Variants in LAMA4 observed in about 807,000 individuals in gnomAD.
The protein encoded by LAMA4 is laminin subunit alpha-4.
In LAMA4, 127 loss-of-function variants were observed where a neutral mutation model predicts 207.1. That is an observed-to-expected ratio of 0.61 (90% confidence interval 0.53 to 0.71). The LOEUF (loss-of-function observed/expected upper bound fraction) is 0.71. Ranked by LOEUF, LAMA4 falls within the 30% of genes least tolerant of loss-of-function variation. The pLI is 0.00. For missense variants in LAMA4, 2,093 were observed against 2,246.5 expected (o/e 0.93, Z 1.38); for synonymous variants, 761 against 816.0 (o/e 0.93, Z 1.15).
chr6:112,119,673 T>C (rs1778233230), intron 33 of LAMA4, among the ~76,000 whole-genome samples: 1 of 152,222 alleles, frequency 6.6e-6, no homozygotes, highest in African/African-American at 2.4e-5. Context: ...ATCTATGTAT[T>C]TTCTGACCTC....
At chr6:112,221,529 A>G (rs1259567483) in intron 2 of LAMA4, among the ~76,000 whole-genome samples, 1 of 152,228 alleles carries the variant, frequency 6.6e-6, no homozygotes, top group Non-Finnish European at 1.5e-5. Context: ...CTTCAAATTT[A>G]ACAGCCCACA....
At position 112,178,201 on chromosome 6, in the gene LAMA4, A is replaced by G. The variant is rs1782135081; in HGVS notation, c.1109T>C (p.Val370Ala). The G allele has an allele frequency of 1.2e-6, 2 of 1,613,904 alleles. No individual in the cohort carries two copies. Among genetic ancestry groups the G allele is most frequent in the East Asian group, 4.5e-5 (2 of 44,866 alleles). ...AATGGTGTCCATGCTTTCCTTCTGA[A>G]CAAGTTGTCCTTTTCTGGAGGCTTG... The part of the protein sequence containing the change: ...ENQASRKGQL[V>A]QKESMDTINH... Residue 370 changes from valine (V) to alanine (A), a missense_variant, in exon 10 of 39, where the codon GTT becomes GCT. Val to Ala is a moderately conservative substitution (Grantham distance 64). Transcript: ENST00000230538.
intron 2 of LAMA4, among the ~76,000 whole-genome samples, chr6:112,241,135 A>ATATTTATATATAT (rs1195523269): frequency 3.9e-5 from 4 of 102,578 alleles, no homozygotes; most frequent in African/African-American, 6.8e-5. Context: ...ATGAATATAT[A>ATATTTATATATAT]GGAATATATA....
intron 16 of LAMA4, among the ~76,000 whole-genome samples, chr6:112,151,263 T>A (rs782703545): frequency 7.2e-5 from 11 of 152,172 alleles, no homozygotes; most frequent in Non-Finnish European, 1.2e-4. Context: ...GGATATGGTA[T>A]TATAATCTTT....
At chr6:112,217,650 A>G (rs1784705532) in intron 2 of LAMA4, 1 of 152,222 alleles carries the variant, frequency 6.6e-6, no homozygotes, top group African/African-American at 2.4e-5. Flanking sequence ...CACACTTTAA[A>G]ACTAAAATTT....
At position 112,140,908 on chromosome 6, in the gene LAMA4, C is replaced by T; in HGVS notation, c.2828G>A (p.Gly943Glu). 6.2e-7 allele frequency: 1 copy of T among 1,612,170 alleles called. No homozygotes were observed. The highest frequency in any genetic ancestry group is 8.5e-7 in the Non-Finnish European group (1 of 1,178,216). ...IVKIERVGKH[G>E]KVFLTVPSLS... is the part of the protein sequence containing the mutation. ...ACTCGGGACTGTTAAAAACACCTTTCCATGTTTTCCCACCCTATTGAGATA... is the reference window on the plus strand; with the variant it reads ...ACTCGGGACTGTTAAAAACACCTTTTCATGTTTTCCCACCCTATTGAGATA... The change falls in exon 22 of 39, where the codon GGA (glycine) becomes GAA (glutamate). Residue 943 changes from glycine to glutamate, a missense_variant. This residue lies in a region of LAMA4 where 1,704 missense variants were observed against 1,788.4 expected (regional missense o/e 0.95). Transcript: ENST00000230538.
intron 19 of LAMA4, among the ~76,000 whole-genome samples, chr6:112,143,304 T>TTG (rs1779818031): frequency 7.4e-6 from 1 of 135,082 alleles, no homozygotes. Context: ...TTTTTTTTTT[T>TTG]GAGACACAGT....
chr6:112,123,551 C>G (rs1554326685), intron 31 of LAMA4, among the ~76,000 whole-genome samples: 1 of 152,122 alleles, frequency 6.6e-6, no homozygotes, highest in African/African-American at 2.4e-5. Flanking sequence ...GGGCAAAAGA[C>G]AAAATCCCCC....
intron 24 of LAMA4, among the ~76,000 whole-genome samples, chr6:112,138,637 T>C (rs1013670883): frequency 3.9e-5 from 6 of 152,130 alleles, no homozygotes; most frequent in African/African-American, 1.2e-4. Flanking sequence ...ATTTGTCCTT[T>C]ATTACAAGCT....
chr6:112,149,830 A>C (rs1169963767), intron 17 of LAMA4, among the ~76,000 whole-genome samples: 2 of 152,186 alleles, frequency 1.3e-5, no homozygotes, highest in Non-Finnish European at 2.9e-5. Context: ...GCTTTGGTGC[A>C]CTGTAGCACT....
chr6:112,121,575 G>A (rs1370530554), intron 32 of LAMA4, among the ~76,000 whole-genome samples: 1 of 152,186 alleles, frequency 6.6e-6, no homozygotes, highest in Non-Finnish European at 1.5e-5. Flanking sequence ...GATGGGGTTG[G>A]AGATAGCTGG....
At chr6:112,239,127 C>G (rs1786169061) in intron 2 of LAMA4, among the ~76,000 whole-genome samples, 1 of 151,952 alleles carries the variant, frequency 6.6e-6, no homozygotes, top group South Asian at 2.1e-4. Flanking sequence ...ACAAGACCAG[C>G]CTGGCCAACA....
chr6:112,222,676 G>A (rs1784988433), intron 2 of LAMA4, among the ~76,000 whole-genome samples: 1 of 152,192 alleles, frequency 6.6e-6, no homozygotes, highest in Non-Finnish European at 1.5e-5. Context: ...CTTCATGGGT[G>A]GAAACCAGTG....
At chr6:112,248,069 G>A (rs1787129032) in intron 2 of LAMA4, among the ~76,000 whole-genome samples, 1 of 152,228 alleles carries the variant, frequency 6.6e-6, no homozygotes, top group Non-Finnish European at 1.5e-5. Flanking sequence ...GTTGTTGCCA[G>A]GGGCTGGAGG....
chr6:112,126,664 A>G (rs1778709783), intron 31 of LAMA4, among the ~76,000 whole-genome samples: 1 of 152,232 alleles, frequency 6.6e-6, no homozygotes, highest in Non-Finnish European at 1.5e-5. Flanking sequence ...ATCAGAATGG[A>G]GAAGGTGGTG....
At position 112,163,172 on chromosome 6, in the gene LAMA4, G is replaced by GT. The variant is rs1781172562; in HGVS notation, c.1668+1987dup. On this transcript the variant is annotated intron_variant, in intron 13 of 38. Coordinates refer to ENST00000230538, the MANE Select transcript of LAMA4 (RefSeq NM_001105206.3). ...AAATTTTCTTTTTTGTAGAGAGGGGGTCTCACTATGTTTCCCAGGCTGGTC... is the reference window on the plus strand; with the variant it reads ...AAATTTTCTTTTTTGTAGAGAGGGGGTTCTCACTATGTTTCCCAGGCTGGTC... Among the ~76,000 whole-genome samples, 13 of 151,184 alleles carry GT rather than the reference G, an allele frequency of 8.6e-5. 1 individual carries two copies. In the South Asian group the frequency reaches 2.7e-3, roughly 32 times the overall value.
At chr6:112,215,232 T>A (rs1248064151) in intron 3 of LAMA4, among the ~76,000 whole-genome samples, 1 of 152,074 alleles carries the variant, frequency 6.6e-6, no homozygotes, top group Non-Finnish European at 1.5e-5. Context: ...TTTAAGAAGA[T>A]GGGGGAAGGG....
At chr6:112,150,929 G>A (rs887753580) in intron 16 of LAMA4, among the ~76,000 whole-genome samples, 2 of 151,914 alleles carry the variant, frequency 1.3e-5, no homozygotes, top group Admixed American at 1.3e-4. Flanking sequence ...TTGTTAAAGA[G>A]CTGAAAAGAA....
At chr6:112,210,204 CTTT>C (rs56690682) in intron 3 of LAMA4, among the ~76,000 whole-genome samples, 1 of 142,312 alleles carries the variant, frequency 7.0e-6, no homozygotes, top group Non-Finnish European at 1.5e-5. Context: ...TCAGGTACGT[CTTT>C]TTTTTTTTTT....
Sources: allele counts gnomAD v4.1 joint callset (sites outside exome capture counted in the v4.1 genomes callset), GRCh38; gene constraint gnomAD v4.1.1; regional missense constraint gnomAD v4.1.1; transcripts MANE v1.5; gene names NCBI Gene and HGNC (gene_info 2026-07-23, HGNC 2026-07-21).